TTC28: variants seen among roughly 807,000 people sequenced by gnomAD.
The protein encoded by TTC28 is tetratricopeptide repeat protein 28.
TTC28 carries 61 observed loss-of-function variants against 198.0 expected under a neutral mutation model. The observed-to-expected ratio is 0.31, with a 90% CI of 0.25 to 0.38. The LOEUF (loss-of-function observed/expected upper bound fraction) is 0.38, where lower values mean the gene tolerates loss of function less well. TTC28 is among the 10% of genes least tolerant of loss of function. The pLI, the probability that TTC28 is intolerant of heterozygous loss-of-function variation, is 1.00. For synonymous variants in TTC28, 1,171 were observed against 1,297.8 expected (o/e 0.90, Z 2.10); for missense variants, 2,678 against 3,164.0 (o/e 0.85, Z 3.69).
chr22:28,628,683 T>C (rs554465864), intron 2 of TTC28, among the ~76,000 whole-genome samples: 1 of 152,294 alleles, frequency 6.6e-6, no homozygotes, highest in African/African-American at 2.4e-5. Flanking sequence ...GCTCACACTT[T>C]TATCCCAGCA....
chr22:28,675,645 G>A (rs745679113), intron 1 of TTC28, among the ~76,000 whole-genome samples: 1 of 151,174 alleles, frequency 6.6e-6, no homozygotes, highest in Non-Finnish European at 1.5e-5. Flanking sequence ...GGCTCAGGTG[G>A]GAGGATCAAC....
intron 5 of TTC28, among the ~76,000 whole-genome samples, chr22:28,173,596 G>A (rs760876838): frequency 4.6e-5 from 7 of 152,190 alleles, no homozygotes; most frequent in Non-Finnish European, 8.8e-5. Context: ...AGATTTAGGC[G>A]CATAAGAGTC....
intron 6 of TTC28, 145 bp downstream of exon 6, chr22:28,162,943 CAAAA>C (rs780371350): frequency 5.1e-6 from 6 of 1,170,120 alleles, no homozygotes; most frequent in Non-Finnish European, 7.0e-6. Flanking sequence ...GACCCTGTCT[CAAAA>C]AGAAAAGGAA....
Position 28,185,602 on chromosome 22 carries a change from C to T in TTC28, c.934-22003G>A, listed in dbSNP as rs539656542. On this transcript the variant is annotated intron_variant, in intron 5 of 22. Coordinates refer to ENST00000397906, the MANE Select transcript of TTC28 (RefSeq NM_001145418.2). ...GTTGCTGTCAATTATAAGAATTTTA[C>T]AATATGTACCACAAATAAAGGAAAA... 1.7e-3 allele frequency among the ~76,000 whole-genome samples: 266 copies of T among 152,058 alleles called. 1 individual carries two copies. Among genetic ancestry groups the T allele is most frequent in the African/African-American group, 5.1e-3 (210 of 41,444 alleles).
At chr22:28,356,778 C>G (rs1051277782) in intron 2 of TTC28, among the ~76,000 whole-genome samples, 4 of 152,176 alleles carry the variant, frequency 2.6e-5, no homozygotes, top group African/African-American at 9.7e-5. Flanking sequence ...TAGGGACTGA[C>G]AAAAAGCTGG....
intron 5 of TTC28, among the ~76,000 whole-genome samples, chr22:28,175,036 A>G (rs1285853465): frequency 2.6e-5 from 4 of 152,224 alleles, no homozygotes; most frequent in Non-Finnish European, 5.9e-5. Context: ...AAAAAAAAAA[A>G]AAGGACTGGG....
intron 5 of TTC28, among the ~76,000 whole-genome samples, chr22:28,283,202 A>G (rs1324283422): frequency 6.6e-6 from 1 of 152,124 alleles, no homozygotes; most frequent in African/African-American, 2.4e-5. Context: ...CCTTCCCCTC[A>G]TGAACTTAAT....
At chr22:28,669,329 A>G (rs1210986455) in intron 1 of TTC28, among the ~76,000 whole-genome samples, 1 of 151,934 alleles carries the variant, frequency 6.6e-6, no homozygotes, top group East Asian at 1.9e-4. Flanking sequence ...AGAAAAAGAA[A>G]CTTCACATGG....
At chr22:28,586,049 G>C (rs1015059109) in intron 2 of TTC28, among the ~76,000 whole-genome samples, 4 of 151,932 alleles carry the variant, frequency 2.6e-5, no homozygotes, top group African/African-American at 9.7e-5. Flanking sequence ...GGGAGGCTGA[G>C]GCGGTCAAAT....
intron 4 of TTC28, among the ~76,000 whole-genome samples, chr22:28,297,151 G>A (rs2044914096): frequency 6.6e-6 from 1 of 152,100 alleles, no homozygotes; most frequent in East Asian, 1.9e-4. Context: ...TGAGAAAGCT[G>A]TAAAGACCTG....
At chr22:28,511,173 G>A (rs1407009955) in intron 2 of TTC28, among the ~76,000 whole-genome samples, 2 of 152,062 alleles carry the variant, frequency 1.3e-5, no homozygotes, top group Admixed American at 6.6e-5. Flanking sequence ...AATTCATATG[G>A]AACCAAAAGG....
At chr22:28,244,654 A>G (rs1053276636) in intron 5 of TTC28, among the ~76,000 whole-genome samples, 10 of 152,154 alleles carry the variant, frequency 6.6e-5, no homozygotes, top group African/African-American at 2.4e-4. Context: ...CGAGTACTAA[A>G]CGGCTGCTCT....
At position 28,241,783 on chromosome 22, in the gene TTC28, T is replaced by C. The variant is rs968373773; in HGVS notation, c.933+54415A>G. ...TTCTTACTCCCTCATGCTTTAGGTA[T>C]GGGACTTGAAGTAGTTTGGTTATGA... On this transcript the variant is annotated intron_variant, in intron 5 of 22. Coordinates refer to ENST00000397906, the MANE Select transcript of TTC28 (RefSeq NM_001145418.2). 2.6e-5 allele frequency among the ~76,000 whole-genome samples: 4 copies of C among 152,246 alleles called. No individual in the cohort carries two copies. The South Asian group carries it at 8.3e-4, about 32-fold the overall frequency.
At chr22:28,430,167 G>A (rs1036283433) in intron 2 of TTC28, among the ~76,000 whole-genome samples, 2 of 149,876 alleles carry the variant, frequency 1.3e-5, no homozygotes, top group Non-Finnish European at 3.0e-5. Flanking sequence ...AAGGCACACC[G>A]CATTAATCTC....
chr22:28,404,550 C>T (rs547479888), intron 2 of TTC28, among the ~76,000 whole-genome samples: 2 of 152,334 alleles, frequency 1.3e-5, no homozygotes, highest in African/African-American at 4.8e-5. Context: ...ATTCCCTCCT[C>T]TCCTGCTTCT....
intron 12 of TTC28, among the ~76,000 whole-genome samples, chr22:28,035,154 T>A (rs1246198025): frequency 6.6e-6 from 1 of 152,184 alleles, no homozygotes; most frequent in East Asian, 1.9e-4. Context: ...TGTCTCAACA[T>A]CCTTTTACTA....
chr22:28,143,442 A>T (rs1193388321), intron 6 of TTC28, among the ~76,000 whole-genome samples: 4 of 152,210 alleles, frequency 2.6e-5, no homozygotes, highest in Non-Finnish European at 5.9e-5. Context: ...TAACTCCAAG[A>T]ACTCTTTCTT....
At chr22:28,086,326 G>C (rs541232387) in intron 12 of TTC28, among the ~76,000 whole-genome samples, 2 of 152,250 alleles carry the variant, frequency 1.3e-5, no homozygotes, top group East Asian at 3.9e-4. Flanking sequence ...TCAGACCACA[G>C]TGCAATCAAA....
intron 2 of TTC28, among the ~76,000 whole-genome samples, chr22:28,507,127 C>T (rs1216359803): frequency 6.6e-6 from 1 of 152,114 alleles, no homozygotes; most frequent in Non-Finnish European, 1.5e-5. Flanking sequence ...GCTAAAGGAG[C>T]ATGTTGTAAC....
Sources: allele counts gnomAD v4.1 joint callset (sites outside exome capture counted in the v4.1 genomes callset), GRCh38; gene constraint gnomAD v4.1.1; transcripts MANE v1.5; gene names NCBI Gene and HGNC (gene_info 2026-07-23, HGNC 2026-07-21).